The following SORCS1 variants were observed in gnomAD, a reference collection of about 807,000 sequenced individuals.
SORCS1 encodes VPS10 domain-containing receptor SorCS1.
SORCS1 carries 60 observed loss-of-function variants against 146.1 expected under a neutral mutation model. The ratio of observed to expected loss-of-function variants is 0.41; its 90% CI spans 0.33 to 0.51. The LOEUF (loss-of-function observed/expected upper bound fraction) is 0.51. Ranked by LOEUF, SORCS1 falls within the 20% of genes least tolerant of loss-of-function variation. The pLI, the probability that SORCS1 is intolerant of heterozygous loss-of-function variation, is 0.21. For missense variants in SORCS1, 1,352 were observed against 1,487.6 expected, an observed-to-expected ratio of 0.91 and a Z score of 1.50; for synonymous variants, 637 against 584.0, an observed-to-expected ratio of 1.09 and a Z score of -1.31.
At chr10:106,738,258 T>C (rs1204648021) in intron 5 of SORCS1, among the ~76,000 whole-genome samples, 1 of 152,214 alleles carries the variant, frequency 6.6e-6, no homozygotes, top group Non-Finnish European at 1.5e-5. Context: ...TATGCGATTG[T>C]CTAATAATTA....
rs540297460 is a variant in SORCS1 at position 107,162,378 on chromosome 10, T to C, written c.558+1591A>G. Among the ~76,000 whole-genome samples, 5 of 152,338 alleles carry C rather than the reference T, an allele frequency of 3.3e-5. No individual in the cohort carries two copies. In the East Asian group the frequency reaches 9.6e-4, roughly 29 times the overall value. Reference sequence around the variant, plus strand: ...TCACTTAAAGCAGTGTGAAAGTTATTCAATCAGTTTAAGAAGATTCGAGTT... The same window carrying C: ...TCACTTAAAGCAGTGTGAAAGTTATCCAATCAGTTTAAGAAGATTCGAGTT... On this transcript the variant is annotated intron_variant, in intron 1 of 25. Transcript: ENST00000263054.
chr10:106,677,456 A>T (rs759733028), intron 12 of SORCS1, 52 bp from the exon 13 acceptor site: 1 of 1,491,904 alleles, frequency 6.7e-7, no homozygotes. Context: ...ACACATACCC[A>T]GGCTTCAGAG....
chr10:106,788,069 C>T (rs899339273), intron 3 of SORCS1, among the ~76,000 whole-genome samples: 1 of 152,008 alleles, frequency 6.6e-6, no homozygotes, highest in African/African-American at 2.4e-5. Flanking sequence ...CCTATAGCAC[C>T]ATCATAAATA....
intron 1 of SORCS1, among the ~76,000 whole-genome samples, chr10:106,994,561 A>C (rs904385718): frequency 1.1e-4 from 16 of 152,240 alleles, no homozygotes; most frequent in Admixed American, 2.6e-4. Flanking sequence ...CTATCAATTT[A>C]AATGGCAATT....
At chr10:106,667,244 T>C (rs1851231579) in intron 17 of SORCS1, 2 of 158,000 alleles carry the variant, frequency 1.3e-5, no homozygotes, top group South Asian at 3.8e-4. Context: ...CAAAATACAT[T>C]CGTATTAACA....
At chr10:107,038,705 A>AGG (rs1453578340) in intron 1 of SORCS1, among the ~76,000 whole-genome samples, 1 of 144,214 alleles carries the variant, frequency 6.9e-6, no homozygotes, top group Admixed American at 6.9e-5. Context: ...GCGGGGGGGG[A>AGG]GGTGGTAGTG....
intron 1 of SORCS1, among the ~76,000 whole-genome samples, chr10:107,051,277 T>C (rs1342591467): frequency 6.6e-6 from 1 of 152,150 alleles, no homozygotes; most frequent in African/African-American, 2.4e-5. Flanking sequence ...GTTGATGTAA[T>C]ACTTCAGATC....
chr10:106,850,862 A>T (rs1003397434), intron 2 of SORCS1, among the ~76,000 whole-genome samples: 1 of 152,008 alleles, frequency 6.6e-6, no homozygotes, highest in African/African-American at 2.4e-5. Context: ...CACCACACAC[A>T]CGCCCTACGG....
At chr10:106,889,133 G>A (rs531498726) in intron 2 of SORCS1, among the ~76,000 whole-genome samples, 58 of 152,264 alleles carry the variant, frequency 3.8e-4, no homozygotes, top group South Asian at 1.2e-3. Context: ...GGAAAGGCAA[G>A]TTGTTACTTT....
intron 5 of SORCS1, among the ~76,000 whole-genome samples, chr10:106,761,172 T>G (rs1367614949): frequency 6.6e-6 from 1 of 151,770 alleles, no homozygotes; most frequent in South Asian, 2.1e-4. Context: ...GAGAGGAAGA[T>G]CTACTTTTAG....
chr10:106,703,472 TA>T (rs1361044096), intron 8 of SORCS1, among the ~76,000 whole-genome samples: 1 of 152,188 alleles, frequency 6.6e-6, no homozygotes, highest in Non-Finnish European at 1.5e-5. Flanking sequence ...CCCAGCAAGT[TA>T]AAAGAAGGAA....
Position 106,992,543 on chromosome 10 carries a change from G to A in SORCS1, c.559-35963C>T, listed in dbSNP as rs148558748. On this transcript the variant is annotated intron_variant, in intron 1 of 25. Coordinates refer to ENST00000263054, the MANE Select transcript of SORCS1 (RefSeq NM_052918.5). ...GTCTTGCTCTGTTGCCCAAGGTACTGGAGTGCAGTGGCACAATCACAGCTC... is the reference window on the plus strand; with the variant it reads ...GTCTTGCTCTGTTGCCCAAGGTACTAGAGTGCAGTGGCACAATCACAGCTC... 1.1e-3 allele frequency among the ~76,000 whole-genome samples: 170 copies of A among 151,988 alleles called. 1 individual carries two copies. The highest frequency in any genetic ancestry group is 3.0e-3 in the African/African-American group (126 of 41,468).
At chr10:106,812,146 G>C (rs923142715) in intron 3 of SORCS1, among the ~76,000 whole-genome samples, 1 of 151,796 alleles carries the variant, frequency 6.6e-6, no homozygotes, top group African/African-American at 2.4e-5. Flanking sequence ...GACTACAGGC[G>C]CCCGCCACTG....
chr10:106,686,856 G>A (rs1025770021), intron 10 of SORCS1, among the ~76,000 whole-genome samples: 3 of 152,170 alleles, frequency 2.0e-5, no homozygotes, highest in Admixed American at 2.0e-4. Context: ...CAAAGTGACT[G>A]TCCAGACTTT....
intron 5 of SORCS1, among the ~76,000 whole-genome samples, chr10:106,746,226 C>G (rs1857735230): frequency 6.6e-6 from 1 of 152,022 alleles, no homozygotes; most frequent in Admixed American, 6.6e-5. Context: ...CTGTTTTTTA[C>G]CAATGTTAAT....
the SORCS1 span, among the ~76,000 whole-genome samples, chr10:107,175,054 A>G: frequency 6.6e-6 from 1 of 152,186 alleles, no homozygotes; most frequent in African/African-American, 2.4e-5. Flanking sequence ...TGTTCTGTCA[A>G]TATTAACTAA....
At chr10:106,892,895 C>CT (rs11352487) in intron 2 of SORCS1, among the ~76,000 whole-genome samples, 3,722 of 137,160 alleles carry the variant, frequency 0.027, 80 homozygotes, top group African/African-American at 0.057. Context: ...TTGGAAAGCC[C>CT]TTTTTTTTTT....
intron 2 of SORCS1, 57 bp downstream of exon 2, chr10:106,956,456 G>A: frequency 6.6e-7 from 1 of 1,513,998 alleles, no homozygotes; most frequent in Non-Finnish European, 9.2e-7. Context: ...TGGGACAGCA[G>A]TAGCAGGCAT....
intron 2 of SORCS1, among the ~76,000 whole-genome samples, chr10:106,879,666 A>T (rs562964482): frequency 2.6e-5 from 4 of 152,342 alleles, no homozygotes; most frequent in Admixed American, 2.0e-4. Flanking sequence ...AAGTGTGAGA[A>T]GGACAGCCCC....
Sources: allele counts gnomAD v4.1 joint callset (sites outside exome capture counted in the v4.1 genomes callset), GRCh38; gene constraint gnomAD v4.1.1; transcripts MANE v1.5; gene names NCBI Gene and HGNC (gene_info 2026-07-23, HGNC 2026-07-21).